Variants in TRIT1 observed in about 807,000 individuals in gnomAD.
TRIT1 encodes tRNA dimethylallyltransferase.
A neutral mutation model predicts 51.2 loss-of-function variants in TRIT1; 43 were observed. The observed-to-expected ratio is 0.84, with a 90% CI of 0.66 to 1.08. The LOEUF (loss-of-function observed/expected upper bound fraction) is 1.08, where lower values mean the gene tolerates loss of function less well. Among genes scored for constraint, TRIT1 ranks in the 50% least tolerant of loss-of-function variants. The pLI, the probability that TRIT1 is intolerant of heterozygous loss-of-function variation, is 0.00. For missense variants in TRIT1, 528 were observed against 578.4 expected (o/e 0.91, Z 0.89); for synonymous variants, 184 against 203.9 (o/e 0.90, Z 0.83).
chr1:39,851,190 C>A (rs1056207791), intron 4 of TRIT1, among the ~76,000 whole-genome samples: 1 of 151,914 alleles, frequency 6.6e-6, no homozygotes, highest in Non-Finnish European at 1.5e-5. Flanking sequence ...ATAGATATCT[C>A]ACTTATCTGG....
chr1:39,863,611 C>T (rs1044554161), intron 1 of TRIT1, among the ~76,000 whole-genome samples: 5 of 151,854 alleles, frequency 3.3e-5, no homozygotes, highest in Non-Finnish European at 5.9e-5. Context: ...CACTTTGTTG[C>T]ACCTCTATTG....
intron 1 of TRIT1, among the ~76,000 whole-genome samples, chr1:39,863,189 G>A (rs1643346218): frequency 6.6e-6 from 1 of 152,220 alleles, no homozygotes; most frequent in African/African-American, 2.4e-5. Flanking sequence ...CCCATGGACG[G>A]GCATGGTGGC....
intron 2 of TRIT1, 58 bp from the exon 3 acceptor site, chr1:39,854,126 C>T: frequency 7.9e-7 from 1 of 1,269,972 alleles, no homozygotes; most frequent in Non-Finnish European, 1.1e-6. Context: ...TTTGGAAGGA[C>T]ACCATTAGCA....
At chr1:39,845,280 T>C (rs969066813) in intron 8 of TRIT1, among the ~76,000 whole-genome samples, 1 of 152,236 alleles carries the variant, frequency 6.6e-6, no homozygotes, top group Admixed American at 6.5e-5. Flanking sequence ...TGAATGAAGA[T>C]GAGACTGAAG....
rs779958503 is a variant in TRIT1, at chr1:39,847,193, TA to T, written c.1006+26del. ...CTATATTCTATTGAAAACAGACCCA[TA>T]GGATAAAGAAAAACATGAGACTTAC... On this transcript the variant is annotated intron_variant, in intron 8 of 10. Transcript: ENST00000316891. 14 of 1,598,962 alleles carry T rather than the reference TA, an allele frequency of 8.8e-6. No individual in the cohort carries two copies. In the Admixed American group the frequency reaches 1.0e-4, roughly 11 times the overall value.
chr1:39,868,345 T>C (rs1459318470), intron 1 of TRIT1, among the ~76,000 whole-genome samples: 2 of 152,110 alleles, frequency 1.3e-5, no homozygotes, highest in East Asian at 1.9e-4. Flanking sequence ...ACCCAGGATA[T>C]ATATAAAGAA....
chr1:39,859,096 C>T (rs1336442681), intron 1 of TRIT1, among the ~76,000 whole-genome samples: 2 of 151,218 alleles, frequency 1.3e-5, no homozygotes, highest in African/African-American at 2.4e-5. Context: ...ACTAAAAATA[C>T]ACAAAAAATT....
At position 39,883,323 on chromosome 1, in the gene TRIT1, T is replaced by C. The variant is rs1278795285; in HGVS notation, c.169A>G (p.Met57Val). The C allele has an allele frequency of 1.9e-6, 3 of 1,606,312 alleles. No individual in the cohort carries two copies. Among genetic ancestry groups the C allele is most frequent in the African/African-American group, 1.3e-5 (1 of 74,652 alleles). The change falls in exon 1 of 11, where the codon ATG (methionine) becomes GTG (valine). Residue 57 changes from methionine (M) to valine (V), a missense_variant. Transcript: ENST00000316891. ...LGGEIVSADS[M>V]QVYEGLDIIT... ...GGCCAGCCGCACTGCCATACCTGCATGGAGTCAGCGCTGACGATCTCACCG... is the reference window on the plus strand; with the variant it reads ...GGCCAGCCGCACTGCCATACCTGCACGGAGTCAGCGCTGACGATCTCACCG...
intron 1 of TRIT1, among the ~76,000 whole-genome samples, chr1:39,869,071 C>T (rs1313761835): frequency 6.6e-6 from 1 of 151,248 alleles, no homozygotes; most frequent in Non-Finnish European, 1.5e-5. Context: ...AAAAAAAGCT[C>T]TCCCTCTCCC....
In TRIT1 at chr1:39,865,208, G is replaced by A. The variant is rs186293983; in HGVS notation, c.175-7791C>T. Reference sequence around the variant, plus strand: ...CTCCCCTTCATAATCACTCCCCTTTGGGGCTTCAAGGGCACCATTCTTTCC... The same window carrying A: ...CTCCCCTTCATAATCACTCCCCTTTAGGGCTTCAAGGGCACCATTCTTTCC... On this transcript the variant is annotated intron_variant, in intron 1 of 10. Transcript: ENST00000316891. Among the ~76,000 whole-genome samples the A allele has an allele frequency of 4.6e-5, 7 of 152,274 alleles. No individual in the cohort carries two copies. The East Asian group carries it at 7.7e-4, about 17-fold the overall frequency.
intron 1 of TRIT1, among the ~76,000 whole-genome samples, chr1:39,881,047 G>T (rs562572334): frequency 9.2e-5 from 14 of 151,652 alleles, no homozygotes; most frequent in Non-Finnish European, 7.4e-5. Context: ...GCGAAACTCC[G>T]TCTCTACTAA....
chr1:39,844,135 A>G lies in TRIT1; in HGVS notation c.1200T>C (p.Cys400=). 1 of 1,614,210 alleles carries G rather than the reference A, an allele frequency of 6.2e-7. No homozygotes were observed. The highest frequency in any genetic ancestry group is 1.1e-5 in the South Asian group (1 of 91,090). Residue 400 remains cysteine, a synonymous_variant, in exon 10 of 11, where the codon TGT becomes TGC. Transcript: ENST00000316891. ...NKRSYHLCDL[C]DRIIIGDREW... is the part of the protein sequence containing the mutation. ...CGCGATCCCCAATGATGATTCGATC[A>G]CAGAGGTCACACAGGTGATAACTTC...
chr1:39,879,378 C>T (rs1358366064), intron 1 of TRIT1, among the ~76,000 whole-genome samples: 3 of 152,162 alleles, frequency 2.0e-5, no homozygotes, highest in Non-Finnish European at 4.4e-5. Flanking sequence ...AAAGCAGACA[C>T]TTTCATGTTC....
At chr1:39,847,496 T>G in intron 7 of TRIT1, 52 bp downstream of exon 7, 6 of 1,583,738 alleles carry the variant, frequency 3.8e-6, no homozygotes, top group Non-Finnish European at 5.2e-6. Context: ...ACCAGCAGAG[T>G]ACCCTGCCAC....
At chr1:39,878,720 C>T (rs1570143229) in intron 1 of TRIT1, among the ~76,000 whole-genome samples, 1 of 152,338 alleles carries the variant, frequency 6.6e-6, no homozygotes. Flanking sequence ...AGGCTCTCCA[C>T]AAGTCCAAGT....
In TRIT1 at chr1:39,861,648, G is replaced by C. The variant is rs1448242614; in HGVS notation, c.175-4231C>G. Among the ~76,000 whole-genome samples the C allele has an allele frequency of 2.0e-5, 3 of 152,138 alleles. No homozygotes were observed. The East Asian group carries it at 5.8e-4, about 29-fold the overall frequency. ...CCTTAAGAAAGGCAGGAAGTTGGCC[G>C]GGCGGTGGGTCGTGCCTATAATCCC... On this transcript the variant is annotated intron_variant, in intron 1 of 10. Transcript: ENST00000316891.
rs562435172 is a variant in TRIT1, at chr1:39,847,547, C to T, written c.928+1G>A. ...ACTAGATTAGATGGAAGAATTCACA[C>T]CTTTCTTTAGAAGCTGGTTACTAGT... is the stretch of plus-strand genomic sequence containing the variant. On this transcript the variant is annotated splice_donor_variant, in intron 7 of 10. Transcript: ENST00000316891. LOFTEE classifies it high-confidence loss of function. The T allele has an allele frequency of 1.2e-6, 2 of 1,614,032 alleles. No homozygotes were observed. Among genetic ancestry groups the T allele is most frequent in the Non-Finnish European group, 1.7e-6 (2 of 1,179,872 alleles).
chr1:39,865,853 AAAG>A, intron 1 of TRIT1, among the ~76,000 whole-genome samples: 2 of 151,182 alleles, frequency 1.3e-5, no homozygotes, highest in South Asian at 4.2e-4. Flanking sequence ...GAAAGAAAGG[AAAG>A]AAGAGAGTGA....
intron 1 of TRIT1, among the ~76,000 whole-genome samples, chr1:39,871,947 A>T (rs1176469690): frequency 6.6e-6 from 1 of 152,180 alleles, no homozygotes; most frequent in Non-Finnish European, 1.5e-5. Flanking sequence ...TTTGTTGTCC[A>T]GGCTAGAGTG....
Sources: allele counts gnomAD v4.1 joint callset (sites outside exome capture counted in the v4.1 genomes callset), GRCh38; gene constraint gnomAD v4.1.1; transcripts MANE v1.5; gene names NCBI Gene and HGNC (gene_info 2026-07-23, HGNC 2026-07-21).